Variants in PPFIA2 observed in about 807,000 individuals in gnomAD.
PPFIA2 encodes the protein liprin-alpha-2.
PPFIA2 carries 46 observed loss-of-function variants against 175.5 expected under a neutral mutation model. The ratio of observed to expected loss-of-function variants is 0.26; its 90% CI spans 0.21 to 0.34. PPFIA2 has a LOEUF of 0.34. PPFIA2 is among the 10% of genes least tolerant of loss of function. The pLI is 1.00. For synonymous variants in PPFIA2, 568 were observed against 511.4 expected, an observed-to-expected ratio of 1.11 and a Z score of -1.49; for missense variants, 1,179 against 1,506.1, an observed-to-expected ratio of 0.78 and a Z score of 3.60.
intron 3 of PPFIA2, among the ~76,000 whole-genome samples, chr12:81,693,876 T>C (rs914874333): frequency 6.6e-6 from 1 of 152,166 alleles, no homozygotes; most frequent in Non-Finnish European, 1.5e-5. Flanking sequence ...TGTTATGCCT[T>C]AGCAAAGATC....
At chr12:81,596,865 G>A (rs532809313) in intron 4 of PPFIA2, among the ~76,000 whole-genome samples, 1 of 152,184 alleles carries the variant, frequency 6.6e-6, no homozygotes, top group South Asian at 2.1e-4. Flanking sequence ...AGACATCAGT[G>A]TAAAACAGAA....
intron 5 of PPFIA2, among the ~76,000 whole-genome samples, chr12:81,454,357 G>A (rs1018146490): frequency 6.6e-6 from 1 of 152,162 alleles, no homozygotes; most frequent in Non-Finnish European, 1.5e-5. Flanking sequence ...AAACTGAGAA[G>A]GAAGTAGTGG....
Position 81,267,006 on chromosome 12 carries a change from A to C in PPFIA2, c.3501T>G (p.Leu1167=). ...PTQNTQARQI[L]EREYNNLLAL... is the part of the protein sequence containing the mutation. ...CCAAGAGGTTATTGTATTCTCTTTC[A>C]AGAATCTGCCTTGCCTGTTGACGTC... The change falls in exon 30 of 33, where the codon CTT becomes CTG. Residue 1167 remains leucine (L), a synonymous_variant. Transcript: ENST00000549396. The C allele has an allele frequency of 6.2e-7, 1 of 1,612,912 alleles. No individual in the cohort carries two copies. Among genetic ancestry groups the C allele is most frequent in the Non-Finnish European group, 8.5e-7 (1 of 1,179,204 alleles).
chr12:81,473,167 G>T (rs1181229572), intron 4 of PPFIA2, among the ~76,000 whole-genome samples: 3 of 152,150 alleles, frequency 2.0e-5, no homozygotes, highest in East Asian at 1.9e-4. Context: ...CAGCACTCTG[G>T]GGGGCTGAGG....
rs1243366810 is a variant in PPFIA2 at position 81,375,903 on chromosome 12, T to C, written c.1024A>G (p.Thr342Ala). Residue 342 changes from threonine (T) to alanine (A), a missense_variant, in exon 10 of 33, where the codon ACC (threonine) becomes GCC (alanine). Thr to Ala is a moderately conservative substitution (Grantham distance 58, BLOSUM62 0). This residue lies in a region of PPFIA2 where 226 missense variants were observed against 216.6 expected (regional missense o/e 1.04). Transcript: ENST00000549396. ...GCACTGAGGTAACGCTTTTCAAGGG[T>C]TGTAATTCTTTCTTCCATATCTTCC... ...QKEDMEERITTLEKRYLSAQR... is the reference protein window; with the variant it reads ...QKEDMEERITALEKRYLSAQR... The C allele has an allele frequency of 1.2e-6, 2 of 1,613,348 alleles. No homozygotes were observed. The highest frequency in any genetic ancestry group is 1.7e-6 in the Non-Finnish European group (2 of 1,179,474).
chr12:81,426,646 A>T (rs887997270), intron 7 of PPFIA2, among the ~76,000 whole-genome samples: 9 of 151,946 alleles, frequency 5.9e-5, no homozygotes, highest in Non-Finnish European at 1.0e-4. Flanking sequence ...CAATTAATGT[A>T]TATCTTTTTC....
At chr12:81,463,565 C>T (rs2055044259) in intron 4 of PPFIA2, among the ~76,000 whole-genome samples, 1 of 152,178 alleles carries the variant, frequency 6.6e-6, no homozygotes, top group Non-Finnish European at 1.5e-5. Context: ...CACAACAGTA[C>T]CCTCAGCACG....
chr12:81,381,973 A>G (rs570073973), intron 9 of PPFIA2, among the ~76,000 whole-genome samples: 3 of 152,264 alleles, frequency 2.0e-5, no homozygotes. Flanking sequence ...TGAACAAAAC[A>G]AGAAAAAAAC....
At chr12:81,438,879 C>T (rs755447217) in intron 7 of PPFIA2, among the ~76,000 whole-genome samples, 5 of 152,046 alleles carry the variant, frequency 3.3e-5, no homozygotes, top group Non-Finnish European at 7.4e-5. Flanking sequence ...CTATAATCAA[C>T]CTACTGATCT....
intron 4 of PPFIA2, among the ~76,000 whole-genome samples, chr12:81,495,571 C>T (rs1051687348): frequency 2.0e-5 from 3 of 152,032 alleles, no homozygotes; most frequent in Admixed American, 2.0e-4. Flanking sequence ...TTGGGAGACT[C>T]AGGCAGAAGG....
intron 1 of PPFIA2, among the ~76,000 whole-genome samples, chr12:81,758,859 C>G (rs1277645020): frequency 1.3e-5 from 2 of 152,104 alleles, no homozygotes; most frequent in African/African-American, 2.4e-5. Context: ...GGCGCCGCTC[C>G]CCCTCCGCGC....
chr12:81,311,277 A>C (rs1490294300), intron 22 of PPFIA2, among the ~76,000 whole-genome samples: 2 of 152,222 alleles, frequency 1.3e-5, no homozygotes, highest in African/African-American at 4.8e-5. Context: ...ACAGGAAACA[A>C]TGGGAACAAC....
At chr12:81,347,890 C>A in intron 17 of PPFIA2, 120 bp from the exon 18 acceptor site, 2 of 1,361,060 alleles carry the variant, frequency 1.5e-6, no homozygotes, top group Non-Finnish European at 1.9e-6. Context: ...GAACATTTTA[C>A]ATCAAATCTA....
rs750621187 is a variant in PPFIA2, at chr12:81,753,989, T to A, written c.233A>T (p.Asn78Ile). The A allele has an allele frequency of 6.2e-7, 1 of 1,613,848 alleles. No homozygotes were observed. The highest frequency in any genetic ancestry group is 1.7e-5 in the Admixed American group (1 of 60,018). ...GAAGCATACCTGTGGCAGGGCTGAA[T>A]TGAGCTGTCTCTGGAGTGAGTCTCG... ...YDRDSLQRQLNSALPQDIESL... is the reference protein window; with the variant it reads ...YDRDSLQRQLISALPQDIESL... The change falls in exon 3 of 33, where the codon AAT becomes ATT. Residue 78 changes from asparagine (N) to isoleucine (I), a missense_variant. Asn to Ile is a moderately radical substitution (Grantham distance 149, BLOSUM62 -3). Coordinates refer to ENST00000549396, the MANE Select transcript of PPFIA2 (RefSeq NM_003625.5).
At chr12:81,685,261 G>C (rs1376068932) in intron 3 of PPFIA2, among the ~76,000 whole-genome samples, 1 of 151,970 alleles carries the variant, frequency 6.6e-6, no homozygotes, top group African/African-American at 2.4e-5. Flanking sequence ...TTGTTAATGA[G>C]GCATCTTCCT....
At chr12:81,278,418 G>T (rs2041138519) in intron 27 of PPFIA2, among the ~76,000 whole-genome samples, 1 of 151,938 alleles carries the variant, frequency 6.6e-6, no homozygotes, top group Non-Finnish European at 1.5e-5. Flanking sequence ...GCACATGCCT[G>T]TAGTCCCAGC....
At chr12:81,595,422 T>C (rs1048993824) in intron 4 of PPFIA2, among the ~76,000 whole-genome samples, 5 of 152,098 alleles carry the variant, frequency 3.3e-5, no homozygotes, top group Admixed American at 6.6e-5. Flanking sequence ...TTTTAGAAAC[T>C]ACATTCTAGA....
intron 4 of PPFIA2, among the ~76,000 whole-genome samples, chr12:81,474,984 A>G (rs1315992575): frequency 6.6e-6 from 1 of 152,210 alleles, no homozygotes; most frequent in East Asian, 1.9e-4. Context: ...CAAAAATAAA[A>G]TGGTATTTTA....
At chr12:81,574,329 G>T (rs886384159) in intron 4 of PPFIA2, among the ~76,000 whole-genome samples, 3 of 151,694 alleles carry the variant, frequency 2.0e-5, no homozygotes, top group South Asian at 4.1e-4. Flanking sequence ...TAAAGAATTA[G>T]ATTATACTTG....
Sources: gnomAD v4.1 joint callset for allele counts (sites outside exome capture counted in the v4.1 genomes callset) on GRCh38, gnomAD v4.1.1 for gene constraint, gnomAD v4.1.1 regional missense constraint, MANE v1.5 for transcripts, NCBI Gene and HGNC (gene_info 2026-07-23, HGNC 2026-07-21) for gene names.